Variants in PTPRT observed in about 807,000 individuals in gnomAD.
The protein encoded by PTPRT is receptor-type tyrosine-protein phosphatase T.
PTPRT carries 56 observed loss-of-function variants against 176.8 expected under a neutral mutation model. The observed-to-expected ratio is 0.32, with a 90% CI of 0.26 to 0.40. The LOEUF is 0.40. Ranked by LOEUF, PTPRT falls within the 10% of genes least tolerant of loss-of-function variation. The pLI is 1.00. For missense variants in PTPRT, 1,540 were observed against 1,908.2 expected (o/e 0.81, Z 3.60); for synonymous variants, 783 against 739.0 (o/e 1.06, Z -0.96).
At chr20:42,616,096 T>C (rs1331729274) in intron 7 of PTPRT, among the ~76,000 whole-genome samples, 1 of 130,480 alleles carries the variant, frequency 7.7e-6, no homozygotes, top group Non-Finnish European at 1.6e-5. Context: ...CTTTAATCCA[T>C]CTTGAATTGA....
intron 1 of PTPRT, among the ~76,000 whole-genome samples, chr20:43,019,165 G>A (rs1486007432): frequency 6.6e-6 from 1 of 152,194 alleles, no homozygotes; most frequent in Non-Finnish European, 1.5e-5. Flanking sequence ...AGCTATTGTA[G>A]AAAGATCATT....
chr20:43,168,389 G>A (rs1236727899), intron 1 of PTPRT, among the ~76,000 whole-genome samples: 1 of 152,168 alleles, frequency 6.6e-6, no homozygotes, highest in Non-Finnish European at 1.5e-5. Context: ...GCAGTGAGAT[G>A]GTTCTGAGCC....
chr20:42,235,736 G>GT (rs2056228505), intron 15 of PTPRT, among the ~76,000 whole-genome samples: 1 of 152,132 alleles, frequency 6.6e-6, no homozygotes, highest in African/African-American at 2.4e-5. Flanking sequence ...TCTTTCACCT[G>GT]TGAGGCCGGT....
chr20:42,038,457 T>C, the PTPRT span, among the ~76,000 whole-genome samples: 5 of 152,104 alleles, frequency 3.3e-5, no homozygotes, highest in East Asian at 5.8e-4. Flanking sequence ...TGTGGAGAAG[T>C]TGGTGTCTGA....
chr20:42,828,569 G>A (rs208231), intron 2 of PTPRT, among the ~76,000 whole-genome samples: 3 of 152,164 alleles, frequency 2.0e-5, no homozygotes, highest in Non-Finnish European at 4.4e-5. Flanking sequence ...GGACTAGGAA[G>A]AAAAATGGCT....
At chr20:42,476,296 G>T (rs1375089882) in intron 7 of PTPRT, among the ~76,000 whole-genome samples, 5 of 152,156 alleles carry the variant, frequency 3.3e-5, no homozygotes, top group African/African-American at 1.2e-4. Context: ...CCCACTGGGG[G>T]CTTGGATAGC....
chr20:42,106,205 A>G (rs1289683251), intron 24 of PTPRT, among the ~76,000 whole-genome samples: 3 of 152,240 alleles, frequency 2.0e-5, no homozygotes, highest in Non-Finnish European at 4.4e-5. Context: ...CCTGGCTCAC[A>G]GTAGGTACAC....
At position 42,073,921 on chromosome 20, in the gene PTPRT, A is replaced by G. The variant is rs1001638045; in HGVS notation, c.*6958T>C. ...TAAAGAGACACCTGCCTTCTTTTAG[A>G]CAGCTGCTGAGATGGGCAGCTTATC... On this transcript the variant is annotated 3_prime_UTR_variant, in exon 31 of 31. Coordinates refer to ENST00000373187, the MANE Select transcript of PTPRT (RefSeq NM_007050.6). 2 of 229,874 alleles carry G rather than the reference A, an allele frequency of 8.7e-6. No individual in the cohort carries two copies. The highest frequency in any genetic ancestry group is 1.1e-4 in the Admixed American group (2 of 17,666). 14.2% of individuals were successfully genotyped at this position (229,874 alleles called of 1,614,324 possible).
At chr20:42,111,565 C>T (rs1240299020) in intron 22 of PTPRT, among the ~76,000 whole-genome samples, 1 of 150,876 alleles carries the variant, frequency 6.6e-6, no homozygotes, top group African/African-American at 2.5e-5. Flanking sequence ...CATCTTGAAA[C>T]AGACTAATAG....
At chr20:42,716,080 G>A (rs1172282050) in intron 6 of PTPRT, among the ~76,000 whole-genome samples, 1 of 152,070 alleles carries the variant, frequency 6.6e-6, no homozygotes, top group Non-Finnish European at 1.5e-5. Flanking sequence ...TTCCACTCTT[G>A]GTGGCTGCTC....
chr20:42,706,078 C>T (rs1461161712), intron 6 of PTPRT, among the ~76,000 whole-genome samples: 2 of 151,816 alleles, frequency 1.3e-5, no homozygotes, highest in African/African-American at 4.8e-5. Context: ...TAGATGCACT[C>T]TTAGGAGATT....
rs965580115 is a variant in PTPRT, at chr20:42,253,505, TG to T, written c.2177-4684del. Among the ~76,000 whole-genome samples, 99 of 152,260 alleles carry T rather than the reference TG, an allele frequency of 6.5e-4. 1 individual carries two copies. Among genetic ancestry groups the T allele is most frequent in the African/African-American group, 2.1e-3 (88 of 41,552 alleles). ...GGCTGTCTCCGACTCTGGGTGACTT[TG>T]TTTTATTAAGCAGGGCCTGGGGATT... On this transcript the variant is annotated intron_variant, in intron 13 of 30. Transcript: ENST00000373187.
At chr20:42,116,398 G>A (rs995422454) in intron 21 of PTPRT, among the ~76,000 whole-genome samples, 1 of 152,168 alleles carries the variant, frequency 6.6e-6, no homozygotes, top group Non-Finnish European at 1.5e-5. Flanking sequence ...GTGCAACAGA[G>A]CATGGGGGCA....
chr20:42,108,349 C>T (rs890005872), intron 23 of PTPRT, among the ~76,000 whole-genome samples: 8 of 152,054 alleles, frequency 5.3e-5, no homozygotes, highest in African/African-American at 9.7e-5. Flanking sequence ...TGCATGACCT[C>T]GGGCAAATGA....
At chr20:42,117,782 G>A (rs16986526) in intron 21 of PTPRT, among the ~76,000 whole-genome samples, 1 of 152,154 alleles carries the variant, frequency 6.6e-6, no homozygotes, top group Non-Finnish European at 1.5e-5. Context: ...GCAGAAAAGA[G>A]GGAACAAGAA....
intron 17 of PTPRT, among the ~76,000 whole-genome samples, chr20:42,158,888 A>C (rs1182032890): frequency 3.3e-5 from 5 of 152,236 alleles, no homozygotes; most frequent in African/African-American, 1.2e-4. Context: ...TCATTATAAA[A>C]GCTGTTCATT....
chr20:42,726,862 T>G (rs747884037), intron 6 of PTPRT, among the ~76,000 whole-genome samples: 2 of 152,196 alleles, frequency 1.3e-5, no homozygotes, highest in African/African-American at 4.8e-5. Context: ...GATTTTTGTG[T>G]GTGAGCAGGG....
chr20:42,190,913 C>G (rs1227923298), intron 16 of PTPRT, among the ~76,000 whole-genome samples: 2 of 152,136 alleles, frequency 1.3e-5, no homozygotes, highest in Non-Finnish European at 2.9e-5. Context: ...AGCTACAAAG[C>G]CTTAGGCAAA....
chr20:43,135,092 C>T (rs1318592407), intron 1 of PTPRT, among the ~76,000 whole-genome samples: 1 of 152,154 alleles, frequency 6.6e-6, no homozygotes, highest in Non-Finnish European at 1.5e-5. Context: ...TTAGGTATAT[C>T]TTCTGGAGGA....
Sources: gnomAD v4.1 joint callset for allele counts (sites outside exome capture counted in the v4.1 genomes callset) on GRCh38, gnomAD v4.1.1 for gene constraint, MANE v1.5 for transcripts, NCBI Gene and HGNC (gene_info 2026-07-23, HGNC 2026-07-21) for gene names.